Variants in ADAM10 observed in about 807,000 individuals in gnomAD.
ADAM10 encodes disintegrin and metalloproteinase domain-containing protein 10.
In ADAM10, 17 loss-of-function variants were observed where a neutral mutation model predicts 90.1. That is an observed-to-expected ratio of 0.19 (90% CI 0.13 to 0.28). The LOEUF (loss-of-function observed/expected upper bound fraction) is 0.28, where lower values mean the gene tolerates loss of function less well. Ranked by LOEUF, ADAM10 falls within the 10% of genes least tolerant of loss-of-function variation. ADAM10 has a pLI of 1.00. For missense variants in ADAM10, 610 were observed against 914.3 expected, an observed-to-expected ratio of 0.67 and a Z score of 4.29; for synonymous variants, 310 against 298.6, an observed-to-expected ratio of 1.04 and a Z score of -0.40.
intron 3 of ADAM10, among the ~76,000 whole-genome samples, chr15:58,681,305 G>T (rs1270175181): frequency 1.3e-5 from 2 of 152,102 alleles, no homozygotes; most frequent in African/African-American, 4.8e-5. Context: ...TTACAGAATT[G>T]TAAGAGTACA....
chr15:58,644,465 G>C (rs567063513), intron 6 of ADAM10, among the ~76,000 whole-genome samples: 3 of 152,084 alleles, frequency 2.0e-5, no homozygotes, highest in Non-Finnish European at 4.4e-5. Flanking sequence ...CTGACCTCAA[G>C]TGACCCACCC....
chr15:58,624,865 A>G (rs1895892090), intron 10 of ADAM10, among the ~76,000 whole-genome samples: 1 of 152,214 alleles, frequency 6.6e-6, no homozygotes, highest in Non-Finnish European at 1.5e-5. Flanking sequence ...AAATTATAAT[A>G]GGTACACATT....
At chr15:58,631,792 C>T (rs753669080) in intron 9 of ADAM10, among the ~76,000 whole-genome samples, 1 of 152,144 alleles carries the variant, frequency 6.6e-6, no homozygotes, top group Non-Finnish European at 1.5e-5. Context: ...CTGCTCATCT[C>T]TAAAATTCCA....
At chr15:58,693,391 CCAAA>C (rs1244186045) in intron 2 of ADAM10, among the ~76,000 whole-genome samples, 2 of 152,144 alleles carry the variant, frequency 1.3e-5, no homozygotes, top group East Asian at 3.9e-4. Flanking sequence ...GCTACAGTAA[CCAAA>C]CAGTGGCATA....
intron 1 of ADAM10, among the ~76,000 whole-genome samples, chr15:58,738,250 T>C (rs1899494188): frequency 6.6e-6 from 1 of 152,218 alleles, no homozygotes; most frequent in Non-Finnish European, 1.5e-5. Flanking sequence ...CATCATACTG[T>C]GTTGACCAAT....
At chr15:58,690,907 G>A (rs577571146) in intron 2 of ADAM10, among the ~76,000 whole-genome samples, 3 of 152,346 alleles carry the variant, frequency 2.0e-5, no homozygotes, top group South Asian at 4.1e-4. Flanking sequence ...CCAGAAGAGA[G>A]CAGTGTGGTT....
At chr15:58,673,291 T>A (rs561282282) in intron 4 of ADAM10, among the ~76,000 whole-genome samples, 4 of 151,896 alleles carry the variant, frequency 2.6e-5, no homozygotes, top group African/African-American at 9.7e-5. Context: ...CACAAATGAG[T>A]TATATATGGA....
chr15:58,597,465 G>C lies in ADAM10; in HGVS notation c.*82C>G. 6.2e-7 allele frequency: 1 copy of C among 1,607,024 alleles called. No homozygotes were observed. The highest frequency in any genetic ancestry group is 8.5e-7 in the Non-Finnish European group (1 of 1,176,344). On this transcript the variant is annotated 3_prime_UTR_variant, in exon 16 of 16. Coordinates refer to ENST00000260408, the MANE Select transcript of ADAM10 (RefSeq NM_001110.4). Reference sequence around the variant, plus strand: ...CTGTTACTTGTGAGGGTTTAGTTTGGAGATGATGACTTAATAGGTTTCTCT... The same window carrying C: ...CTGTTACTTGTGAGGGTTTAGTTTGCAGATGATGACTTAATAGGTTTCTCT...
At chr15:58,710,089 C>A (rs1178793744) in intron 2 of ADAM10, among the ~76,000 whole-genome samples, 1 of 152,070 alleles carries the variant, frequency 6.6e-6, no homozygotes, top group Non-Finnish European at 1.5e-5. Flanking sequence ...ACCATCCCGG[C>A]CAACATGGTG....
At chr15:58,603,944 A>AAATAC (rs1395428296) in intron 14 of ADAM10, among the ~76,000 whole-genome samples, 1 of 152,008 alleles carries the variant, frequency 6.6e-6, no homozygotes, top group African/African-American at 2.4e-5. Context: ...AAAAAAGAAT[A>AAATAC]ATCAAACTTT....
chr15:58,623,479 C>T (rs777245341), intron 10 of ADAM10, among the ~76,000 whole-genome samples: 27 of 152,176 alleles, frequency 1.8e-4, no homozygotes, highest in Non-Finnish European at 3.4e-4. Context: ...GAAGCTTCAT[C>T]CCTGTTTCAC....
At chr15:58,615,548 C>T (rs1051221946) in intron 11 of ADAM10, among the ~76,000 whole-genome samples, 2 of 152,248 alleles carry the variant, frequency 1.3e-5, no homozygotes, top group Non-Finnish European at 2.9e-5. Context: ...GCCTCCCAAA[C>T]ACATGACACA....
At chr15:58,744,739 G>A (rs986605547) in intron 1 of ADAM10, among the ~76,000 whole-genome samples, 5 of 152,200 alleles carry the variant, frequency 3.3e-5, no homozygotes, top group African/African-American at 1.2e-4. Context: ...GCCAGGCACA[G>A]TGGCTTACAC....
chr15:58,636,037 G>A (rs555486117), intron 8 of ADAM10, among the ~76,000 whole-genome samples: 156 of 152,294 alleles, frequency 1.0e-3, no homozygotes, highest in East Asian at 3.9e-3. Context: ...AACACTTTGG[G>A]TGGCGGCGGC....
At chr15:58,608,045 C>T (rs925477436) in intron 14 of ADAM10, among the ~76,000 whole-genome samples, 8 of 152,302 alleles carry the variant, frequency 5.3e-5, no homozygotes, top group Non-Finnish European at 1.0e-4. Flanking sequence ...CCTGTCCAAA[C>T]ACACAGTAGG....
At position 58,646,204 on chromosome 15, in the gene ADAM10, T is replaced by C; in HGVS notation, c.586A>G (p.Ile196Val). 1 of 1,612,112 alleles carries C rather than the reference T, an allele frequency of 6.2e-7. No individual in the cohort carries two copies. The highest frequency in any genetic ancestry group is 8.5e-7 in the Non-Finnish European group (1 of 1,179,648). Reference protein sequence around the residue: ...QMTGVEEVTQIPQEEHAANGP... With the variant: ...QMTGVEEVTQVPQEEHAANGP... ...TTAGCAGCATGTTCTTCTTGAGGTA[T>C]CTATACATCAAAAAGTCATTTCTGA... Residue 196 changes from isoleucine to valine, a missense_variant and splice_region_variant, in exon 6 of 16, where the codon ATA becomes GTA. Physicochemically the swap from Ile to Val is conservative, Grantham distance 29. Transcript: ENST00000260408.
chr15:58,720,558 C>T (rs546743628), intron 1 of ADAM10, among the ~76,000 whole-genome samples: 8 of 151,800 alleles, frequency 5.3e-5, no homozygotes, highest in African/African-American at 9.7e-5. Context: ...CCTGCCACCA[C>T]GCCCGGCTAA....
intron 4 of ADAM10, among the ~76,000 whole-genome samples, chr15:58,674,383 TCAAA>T (rs1897266972): frequency 6.6e-6 from 1 of 152,144 alleles, no homozygotes; most frequent in Non-Finnish European, 1.5e-5. Context: ...AGTTCAGAAG[TCAAA>T]CAATCAGAGC....
chr15:58,705,611 C>T (rs765364923), intron 2 of ADAM10, among the ~76,000 whole-genome samples: 26 of 152,106 alleles, frequency 1.7e-4, no homozygotes, highest in Admixed American at 1.7e-3. Flanking sequence ...AATAGACATA[C>T]CAGAACCACC....
Sources: allele counts gnomAD v4.1 joint callset (sites outside exome capture counted in the v4.1 genomes callset), GRCh38; gene constraint gnomAD v4.1.1; transcripts MANE v1.5; gene names NCBI Gene and HGNC (gene_info 2026-07-23, HGNC 2026-07-21).